The following RAG1 variants were observed in gnomAD, a reference collection of about 807,000 sequenced individuals.
RAG1 encodes the protein recombination activating 1.
A neutral mutation model predicts 62.7 loss-of-function variants in RAG1; 35 were observed. The ratio of observed to expected loss-of-function variants is 0.56; its 90% CI spans 0.43 to 0.74. The LOEUF is 0.74. Among genes scored for constraint, RAG1 ranks in the 30% least tolerant of loss-of-function variants. RAG1 has a pLI of 0.00. For synonymous variants in RAG1, 461 were observed against 470.3 expected (o/e 0.98, Z 0.26); for missense variants, 1,169 against 1,278.6 (o/e 0.91, Z 1.31).
At chr11:36,523,697 G>A (rs1590663562) in intron 2 of RAG1, among the ~76,000 whole-genome samples, 2 of 152,158 alleles carry the variant, frequency 1.3e-5, no homozygotes, top group African/African-American at 2.4e-5. Context: ...CCCGGATCCA[G>A]TCCAAGTTCA....
intron 2 of RAG1, among the ~76,000 whole-genome samples, chr11:36,523,827 G>C (rs1163530207): frequency 1.3e-5 from 2 of 152,032 alleles, no homozygotes; most frequent in African/African-American, 4.8e-5. Context: ...GCTTTACTCG[G>C]TTTCTACCAA....
At chr11:36,558,748 A>G (rs1021870131) in intron 3 of RAG1, among the ~76,000 whole-genome samples, 8 of 152,178 alleles carry the variant, frequency 5.3e-5, no homozygotes, top group Non-Finnish European at 1.0e-4. Flanking sequence ...TAATTGAGGA[A>G]CTTAATTCAT....
At chr11:36,571,584 T>C (rs1239162869) in intron 1 of RAG1, among the ~76,000 whole-genome samples, 1 of 152,200 alleles carries the variant, frequency 6.6e-6, no homozygotes, top group African/African-American at 2.4e-5. Flanking sequence ...AATCAAGTCT[T>C]AGAAATTTGC....
chr11:36,520,960 CT>C (rs36066366), intron 2 of RAG1, among the ~76,000 whole-genome samples: 119 of 133,606 alleles, frequency 8.9e-4, no homozygotes, highest in Middle Eastern at 4.1e-3. Flanking sequence ...CAAATCTCAT[CT>C]TTTTTTTTTT....
chr11:36,548,489 G>C (rs980280405), intron 3 of RAG1, among the ~76,000 whole-genome samples: 2 of 152,124 alleles, frequency 1.3e-5, no homozygotes, highest in Non-Finnish European at 2.9e-5. Context: ...TAGACAAACA[G>C]AGAGCCAAAT....
In RAG1 at chr11:36,574,385, A is replaced by G. The variant is rs745705563; in HGVS notation, c.1081A>G (p.Lys361Glu). 6.2e-7 allele frequency: 1 copy of G among 1,614,202 alleles called. No homozygotes were observed. The highest frequency in any genetic ancestry group is 1.1e-5 in the South Asian group (1 of 91,084). ...TTCCCTGATGGTGAAATGTCCAGCA[A>G]AAGAGTGCAATGAGGAGGTCAGTTT... is the stretch of plus-strand genomic sequence containing the variant. ...LNSLMVKCPA[K>E]ECNEEVSLEK... Residue 361 changes from lysine (K) to glutamate (E), a missense_variant, in exon 2 of 2, where the codon AAA (lysine) becomes GAA (glutamate). Lys to Glu is a moderately conservative substitution (Grantham distance 56). Around this residue, in one of 2 missense-constraint regions of RAG1, gnomAD observed 800 missense variants for 943.3 expected, o/e 0.85. Coordinates refer to ENST00000299440, the MANE Select transcript of RAG1 (RefSeq NM_000448.3).
intron 3 of RAG1, among the ~76,000 whole-genome samples, chr11:36,541,050 A>G (rs1390759447): frequency 6.6e-6 from 1 of 152,174 alleles, no homozygotes; most frequent in Non-Finnish European, 1.5e-5. Context: ...TCCACATGAC[A>G]TGATATGATG....
In RAG1 at chr11:36,576,413, A is replaced by C. The variant is rs759867032; in HGVS notation, c.3109A>C (p.Ser1037Arg). The change falls in exon 2 of 2, where the codon AGC (serine) becomes CGC (arginine). Residue 1037 changes from serine to arginine, a missense_variant. Ser to Arg is a moderately radical substitution (Grantham distance 110, BLOSUM62 -1). Transcript: ENST00000299440. Reference sequence around the variant, plus strand: ...ATTAGGCATAGAGGACTCTCTGGAAAGCCAAGATTCAATGGAATTTTAAGT... The same window carrying C: ...ATTAGGCATAGAGGACTCTCTGGAACGCCAAGATTCAATGGAATTTTAAGT... ...DPLGIEDSLESQDSMEF is the reference protein window; with the variant it reads ...DPLGIEDSLERQDSMEF The C allele has an allele frequency of 6.2e-7, 1 of 1,614,084 alleles. No homozygotes were observed. Among genetic ancestry groups the C allele is most frequent in the African/African-American group, 1.3e-5 (1 of 74,946 alleles).
At chr11:36,526,206 G>A (rs545980363) in intron 2 of RAG1, among the ~76,000 whole-genome samples, 2 of 151,980 alleles carry the variant, frequency 1.3e-5, no homozygotes, top group Non-Finnish European at 2.9e-5. Flanking sequence ...ATTACATTAG[G>A]TATTTCTCCT....
chr11:36,537,196 G>C (rs953437837), downstream of RAG1, among the ~76,000 whole-genome samples: 1 of 152,098 alleles, frequency 6.6e-6, no homozygotes, highest in Non-Finnish European at 1.5e-5. Flanking sequence ...AAGTTCTAGA[G>C]ATCTGTTGTA....
intron 2 of RAG1, among the ~76,000 whole-genome samples, chr11:36,529,114 AAG>A (rs1434703791): frequency 6.6e-6 from 1 of 152,186 alleles, no homozygotes; most frequent in Admixed American, 6.5e-5. Context: ...TCAATAGAAA[AAG>A]AGAGAATCCT....
intron 3 of RAG1, among the ~76,000 whole-genome samples, chr11:36,546,946 C>T (rs1792121115): frequency 6.6e-6 from 1 of 151,998 alleles, no homozygotes; most frequent in Non-Finnish European, 1.5e-5. Flanking sequence ...GATGGCCTTC[C>T]CTTTTGTGGG....
intron 1 of RAG1, among the ~76,000 whole-genome samples, chr11:36,517,741 A>G (rs1860015494): frequency 6.6e-6 from 1 of 152,258 alleles, no homozygotes; most frequent in South Asian, 2.1e-4. Flanking sequence ...AGTCACTTTC[A>G]TCCCAATTCC....
At chr11:36,538,622 A>G (rs941670208), downstream of RAG1, among the ~76,000 whole-genome samples, 1 of 152,202 alleles carries the variant, frequency 6.6e-6, no homozygotes. Context: ...GCAGTTACGA[A>G]AAGGCACAGT....
chr11:36,512,103 G>A (rs1590655362), intron 1 of RAG1, among the ~76,000 whole-genome samples: 1 of 152,194 alleles, frequency 6.6e-6, no homozygotes, highest in Non-Finnish European at 1.5e-5. Flanking sequence ...GAGAGTTTTA[G>A]TGCTCATCCA....
At chr11:36,558,292 G>C (rs1358425820) in intron 3 of RAG1, among the ~76,000 whole-genome samples, 1 of 152,086 alleles carries the variant, frequency 6.6e-6, no homozygotes, top group Non-Finnish European at 1.5e-5. Flanking sequence ...AGGTCCATTT[G>C]GTCTGTATTA....
At position 36,576,409 on chromosome 11, in the gene RAG1, G is replaced by A. The variant is rs1254789485; in HGVS notation, c.3105G>A (p.Leu1035=). ...LGDPLGIEDS[L]ESQDSMEF is the part of the protein sequence containing the mutation. ...ACCCATTAGGCATAGAGGACTCTCT[G>A]GAAAGCCAAGATTCAATGGAATTTT... Residue 1035 remains leucine (L), a synonymous_variant, in exon 2 of 2, where the codon CTG becomes CTA. Coordinates refer to ENST00000299440, the MANE Select transcript of RAG1 (RefSeq NM_000448.3). 1.2e-6 allele frequency: 2 copies of A among 1,614,142 alleles called. No individual in the cohort carries two copies. The highest frequency in any genetic ancestry group is 2.2e-5 in the East Asian group (1 of 44,884).
chr11:36,567,770 C>A (rs540610937), upstream of RAG1, among the ~76,000 whole-genome samples: 1 of 152,262 alleles, frequency 6.6e-6, no homozygotes, highest in East Asian at 1.9e-4. Flanking sequence ...CTGACAAGAC[C>A]ATTTCCAACC....
downstream of RAG1, among the ~76,000 whole-genome samples, chr11:36,537,167 T>C (rs1860343785): frequency 6.6e-6 from 1 of 152,146 alleles, no homozygotes; most frequent in Non-Finnish European, 1.5e-5. Context: ...CTGTTGAGCC[T>C]CAGTTATGTA....
Sources: gnomAD v4.1 joint callset for allele counts (sites outside exome capture counted in the v4.1 genomes callset) on GRCh38, gnomAD v4.1.1 for gene constraint, gnomAD v4.1.1 regional missense constraint, MANE v1.5 for transcripts, NCBI Gene and HGNC (gene_info 2026-07-23, HGNC 2026-07-21) for gene names.